TMEM229A: variants seen among roughly 807,000 people sequenced by gnomAD.
TMEM229A encodes the protein transmembrane protein 229A.
A neutral mutation model predicts 30.0 loss-of-function variants in TMEM229A; 23 were observed. The observed-to-expected ratio is 0.77, with a 90% CI of 0.55 to 1.09. The LOEUF is 1.09. Among genes scored for constraint, TMEM229A ranks in the 50% least tolerant of loss-of-function variants. The probability of loss-of-function intolerance (pLI) is 0.00; values close to 1 mark genes in which losing one functional copy is unlikely to be tolerated. For synonymous variants in TMEM229A, 264 were observed against 241.5 expected (o/e 1.09, Z -0.86); for missense variants, 534 against 525.9 (o/e 1.02, Z -0.15).
Position 124,031,512 on chromosome 7 carries a change from A to T in TMEM229A, c.*349T>A. ...CCCCGCCAAAAAAAAAAAAATTAGT[A>T]GCTGTCACTCATCTGTTGCCAGATG... On this transcript the variant is annotated 3_prime_UTR_variant, in exon 1 of 1. Transcript: ENST00000455783. The surrounding 1 kb of genome is among the most constrained non-coding windows in gnomAD (Gnocchi z 4.1). 5.9e-6 allele frequency: 1 copy of T among 169,680 alleles called. No homozygotes were observed. Among genetic ancestry groups the T allele is most frequent in the Middle Eastern group, 2.6e-3 (1 of 388 alleles). The allele number at this position is 169,680 out of a possible 1,614,324, so 10.5% of individuals were successfully genotyped here. A position where few individuals can be genotyped will look rare whatever the true frequency, so the allele number is the denominator to read the frequency against.
At position 124,032,561 on chromosome 7, in the gene TMEM229A, G is replaced by A. The variant is rs570827304; in HGVS notation, c.443C>T (p.Ala148Val). The A allele has an allele frequency of 5.2e-6, 8 of 1,549,278 alleles. No homozygotes were observed. In the East Asian group the frequency reaches 7.4e-5, roughly 14 times the overall value. The change falls in exon 1 of 1, where the codon GCG (alanine) becomes GTG (valine). Residue 148 changes from alanine to valine, a missense_variant. By Grantham distance (64) the Ala-to-Val change is moderately conservative. Transcript: ENST00000455783. The surrounding 1 kb of genome is among the most constrained non-coding windows in gnomAD (Gnocchi z 6.6). Reference sequence around the variant, plus strand: ...CGCCCCTGGCGCCACCGCGACCCCCGCCCCGCCGCCCAGGCTGAGTAGTAG... The same window carrying A: ...CGCCCCTGGCGCCACCGCGACCCCCACCCCGCCGCCCAGGCTGAGTAGTAG... ...QALLLSLGGG[A>V]GVAVAPGALD... is the part of the protein sequence containing the mutation.
Position 124,032,014 on chromosome 7 carries a change from C to A in TMEM229A, c.990G>T (p.Thr330=), listed in dbSNP as rs1473355167. The part of the protein sequence containing the change: ...WELSWGLGLR[T]CGACSWDYSH... ...AATAGTCCCAGGAACAAGCCCCGCACGTGCGGAGTCCCAGACCCCAGGACA... is the reference window on the plus strand; with the variant it reads ...AATAGTCCCAGGAACAAGCCCCGCAAGTGCGGAGTCCCAGACCCCAGGACA... Residue 330 remains threonine (T), a synonymous_variant, in exon 1 of 1, where the codon ACG becomes ACT. Transcript: ENST00000455783. The surrounding 1 kb of genome is among the most constrained non-coding windows in gnomAD (Gnocchi z 6.6). The A allele has an allele frequency of 2.6e-6, 4 of 1,551,654 alleles. No individual in the cohort carries two copies. In the South Asian group the frequency reaches 4.8e-5, roughly 18 times the overall value.
rs34152005 is a variant in TMEM229A at position 124,031,493 on chromosome 7, CA to C, written c.*367del. ...CTCTGATTTAAAGATCCCCCCCCGC[CA>C]AAAAAAAAAAAATTAGTAGCTGTCA... On this transcript the variant is annotated 3_prime_UTR_variant, in exon 1 of 1. Coordinates refer to ENST00000455783, the MANE Select transcript of TMEM229A (RefSeq NM_001136002.2). This position sits in a 1 kb window ranked among gnomAD's most constrained non-coding sequence, Gnocchi z 4.1. The C allele has an allele frequency of 0.2, 30,344 of 152,938 alleles. 3,674 individuals carry two copies. Among genetic ancestry groups the C allele is most frequent in the African/African-American group, 0.37 (15,118 of 40,434 alleles). 9.5% of individuals were successfully genotyped at this position (152,938 alleles called of 1,614,324 possible). A position where few individuals can be genotyped will look rare whatever the true frequency, so the allele number is the denominator to read the frequency against.
rs1016516242 is a variant in TMEM229A at position 124,033,054 on chromosome 7, G to A, written c.-51C>T. 5.1e-6 allele frequency: 6 copies of A among 1,178,848 alleles called. No individual in the cohort carries two copies. In the African/African-American group the frequency reaches 8.0e-5, roughly 16 times the overall value. The allele number at this position is 1,178,848 out of a possible 1,614,324, so 73.0% of individuals were successfully genotyped here. ...GAGGCTGCACCGCCGCCGCTGCCGGGTGCGCGGAGCTGCAGGGCCGAGCGG... is the reference window on the plus strand; with the variant it reads ...GAGGCTGCACCGCCGCCGCTGCCGGATGCGCGGAGCTGCAGGGCCGAGCGG... On this transcript the variant is annotated 5_prime_UTR_variant, in exon 1 of 1. Coordinates refer to ENST00000455783, the MANE Select transcript of TMEM229A (RefSeq NM_001136002.2).
In TMEM229A at chr7:124,032,924, G is replaced by A. The variant is rs781573948; in HGVS notation, c.80C>T (p.Pro27Leu). The change falls in exon 1 of 1, where the codon CCA (proline) becomes CTA (leucine). Residue 27 changes from proline to leucine, a missense_variant. By Grantham distance (98) the Pro-to-Leu change is moderately conservative. Transcript: ENST00000455783. This position sits in a 1 kb window ranked among gnomAD's most constrained non-coding sequence, Gnocchi z 6.6. ...AARRPGAPGG[P>L]GSEAAAGCPE... ...GCAGCCGGCTGCCGCCTCGCTTCCT[G>A]GCCCGCCAGGGGCCCCCGGACGCCG... The A allele has an allele frequency of 1.0e-5, 14 of 1,373,042 alleles. No homozygotes were observed. In the South Asian group the frequency reaches 2.5e-4, roughly 25 times the overall value. 85.1% of individuals were successfully genotyped at this position (1,373,042 alleles called of 1,614,324 possible).
Position 124,032,134 on chromosome 7 carries a change from C to A in TMEM229A, c.870G>T (p.Val290=). Reference sequence around the variant, plus strand: ...GGAGGTGGAAGTAGAGCTTTTCCACCACGAAACTGCAGCTGCCGTACATAA... The same window carrying A: ...GGAGGTGGAAGTAGAGCTTTTCCACAACGAAACTGCAGCTGCCGTACATAA... The part of the protein sequence containing the change: ...SFFMYGSCSF[V]VEKLYFHLHY... The change falls in exon 1 of 1, where the codon GTG becomes GTT. Residue 290 remains valine (V), a synonymous_variant. Transcript: ENST00000455783. This position sits in a 1 kb window ranked among gnomAD's most constrained non-coding sequence, Gnocchi z 6.6. 6.4e-7 allele frequency: 1 copy of A among 1,551,734 alleles called. No individual in the cohort carries two copies. The highest frequency in any genetic ancestry group is 8.7e-7 in the Non-Finnish European group (1 of 1,147,018).
In TMEM229A at chr7:124,033,000, C is replaced by T; in HGVS notation, c.4G>A (p.Ala2Thr). ...CCCTCGCTGTCCACGTCGCTCCCCGCCATGGGCTCGGAGGCTGTCCGAACG... is the reference window on the plus strand; with the variant it reads ...CCCTCGCTGTCCACGTCGCTCCCCGTCATGGGCTCGGAGGCTGTCCGAACG... M[A>T]GSDVDSEGPA... is the part of the protein sequence containing the mutation. Residue 2 changes from alanine to threonine, a missense_variant, in exon 1 of 1, where the codon GCG becomes ACG. Ala to Thr is a moderately conservative substitution (Grantham distance 58). Transcript: ENST00000455783. The surrounding 1 kb of genome is among the most constrained non-coding windows in gnomAD (Gnocchi z 6.6). 1 of 1,269,562 alleles carries T rather than the reference C, an allele frequency of 7.9e-7. No individual in the cohort carries two copies. The highest frequency in any genetic ancestry group is 9.9e-7 in the Non-Finnish European group (1 of 1,012,794). The allele number at this position is 1,269,562 out of a possible 1,614,324, so 78.6% of individuals were successfully genotyped here. A position where few individuals can be genotyped will look rare whatever the true frequency, so the allele number is the denominator to read the frequency against.
Position 124,032,616 on chromosome 7 carries a change from C to G in TMEM229A, c.388G>C (p.Val130Leu), listed in dbSNP as rs1793152364. The G allele has an allele frequency of 1.9e-6, 3 of 1,551,068 alleles. No homozygotes were observed. Among genetic ancestry groups the G allele is most frequent in the Non-Finnish European group, 2.6e-6 (3 of 1,146,668 alleles). Residue 130 changes from valine to leucine, a missense_variant, in exon 1 of 1, where the codon GTG becomes CTG. Val to Leu is a conservative substitution (Grantham distance 32). Transcript: ENST00000455783. This position sits in a 1 kb window ranked among gnomAD's most constrained non-coding sequence, Gnocchi z 6.6. ...TGGCCCGCTAGGGTCTGCAGCCCCA[C>G]GTGGGCCGAGGGGTAGAGGAGGAAA... Reference protein sequence around the residue: ...FNFLLYPSAHVGLQTLAGQAL... With the variant: ...FNFLLYPSAHLGLQTLAGQAL...
In TMEM229A at chr7:124,032,422, C is replaced by G. The variant is rs1185558888; in HGVS notation, c.582G>C (p.Gln194His). Residue 194 changes from glutamine (Q) to histidine (H), a missense_variant, in exon 1 of 1, where the codon CAG becomes CAC. By Grantham distance (24) the Gln-to-His change is conservative. Transcript: ENST00000455783. The surrounding 1 kb of genome is among the most constrained non-coding windows in gnomAD (Gnocchi z 6.6). ...RQRRRQQQQQQQQQQQQRRGA... is the reference protein window; with the variant it reads ...RQRRRQQQQQHQQQQQQRRGA... ...CCCTCCGCTGCTGCTGCTGCTGCTG[C>G]TGCTGCTGTTGCTGCTGCCGCCGCC... 5.2e-6 allele frequency: 8 copies of G among 1,545,424 alleles called. No homozygotes were observed. In the South Asian group the frequency reaches 9.5e-5, roughly 18 times the overall value.
chr7:124,031,802 A>G lies in TMEM229A; in HGVS notation c.*59T>C, dbSNP rs1793136072. ...CTTCATTTTAAATGTGTAAAAATAA[A>G]TCGCATCCATTCGTGGGAATCCAGT... On this transcript the variant is annotated 3_prime_UTR_variant, in exon 1 of 1. Coordinates refer to ENST00000455783, the MANE Select transcript of TMEM229A (RefSeq NM_001136002.2). This position sits in a 1 kb window ranked among gnomAD's most constrained non-coding sequence, Gnocchi z 4.1. 1 of 1,432,354 alleles carries G rather than the reference A, an allele frequency of 7.0e-7. No individual in the cohort carries two copies. Among genetic ancestry groups the G allele is most frequent in the Non-Finnish European group, 9.2e-7 (1 of 1,085,940 alleles). The allele number at this position is 1,432,354 out of a possible 1,614,324, so 88.7% of individuals were successfully genotyped here.
Position 124,031,491 on chromosome 7 carries a change from GC to G in TMEM229A, c.*369del, listed in dbSNP as rs1793132289. On this transcript the variant is annotated 3_prime_UTR_variant, in exon 1 of 1. Coordinates refer to ENST00000455783, the MANE Select transcript of TMEM229A (RefSeq NM_001136002.2). The surrounding 1 kb of genome is among the most constrained non-coding windows in gnomAD (Gnocchi z 4.1). ...GTCTCTGATTTAAAGATCCCCCCCCGCCAAAAAAAAAAAAATTAGTAGCTGT... is the reference window on the plus strand; with the variant it reads ...GTCTCTGATTTAAAGATCCCCCCCCGCAAAAAAAAAAAAATTAGTAGCTGT... 1.6e-5 allele frequency: 2 copies of G among 122,248 alleles called. No individual in the cohort carries two copies. The highest frequency in any genetic ancestry group is 5.5e-4 in the South Asian group (2 of 3,642). 7.6% of individuals were successfully genotyped at this position (122,248 alleles called of 1,614,324 possible). A position where few individuals can be genotyped will look rare whatever the true frequency, so the allele number is the denominator to read the frequency against.
chr7:124,032,892 G>T lies in TMEM229A; in HGVS notation c.112C>A (p.Pro38Thr). 6.8e-7 allele frequency: 1 copy of T among 1,469,522 alleles called. No individual in the cohort carries two copies. Among genetic ancestry groups the T allele is most frequent in the Non-Finnish European group, 9.0e-7 (1 of 1,107,968 alleles). 91.0% of individuals were successfully genotyped at this position (1,469,522 alleles called of 1,614,324 possible). A position where few individuals can be genotyped will look rare whatever the true frequency, so the allele number is the denominator to read the frequency against. Residue 38 changes from proline (P) to threonine (T), a missense_variant, in exon 1 of 1, where the codon CCG becomes ACG. Physicochemically the swap from Pro to Thr is conservative, Grantham distance 38. Coordinates refer to ENST00000455783, the MANE Select transcript of TMEM229A (RefSeq NM_001136002.2). The surrounding 1 kb of genome is among the most constrained non-coding windows in gnomAD (Gnocchi z 6.6). ...GSEAAAGCPEPLSTAEAPAES... is the reference protein window; with the variant it reads ...GSEAAAGCPETLSTAEAPAES... ...GCCGGCGCTTCAGCAGTGGACAGCG[G>T]CTCCGGGCAGCCGGCTGCCGCCTCG...
chr7:124,032,730 A>G lies in TMEM229A; in HGVS notation c.274T>C (p.Tyr92His), dbSNP rs569832948. Residue 92 changes from tyrosine (Y) to histidine (H), a missense_variant, in exon 1 of 1, where the codon TAC becomes CAC. By Grantham distance (83) the Tyr-to-His change is moderately conservative. Coordinates refer to ENST00000455783, the MANE Select transcript of TMEM229A (RefSeq NM_001136002.2). The surrounding 1 kb of genome is among the most constrained non-coding windows in gnomAD (Gnocchi z 6.6). ...DLRMLGFSSPYRCLLHSLTHF... is the reference protein window; with the variant it reads ...DLRMLGFSSPHRCLLHSLTHF... ...GTGAGCGAGTGCAGCAGGCAGCGGT[A>G]GGGCGAGGAGAAGCCTAGCATCCGC... The G allele has an allele frequency of 2.6e-6, 4 of 1,551,392 alleles. No homozygotes were observed. The East Asian group carries it at 9.8e-5, about 38-fold the overall frequency.
At position 124,032,600 on chromosome 7, in the gene TMEM229A, A is replaced by G; in HGVS notation, c.404T>C (p.Leu135Pro). 1.3e-6 allele frequency: 2 copies of G among 1,550,614 alleles called. No individual in the cohort carries two copies. Among genetic ancestry groups the G allele is most frequent in the Non-Finnish European group, 8.7e-7 (1 of 1,146,464 alleles). ...YPSAHVGLQT[L>P]AGQALLLSLG... Reference sequence around the variant, plus strand: ...GCTGAGTAGTAGCGCCTGGCCCGCTAGGGTCTGCAGCCCCACGTGGGCCGA... The same window carrying G: ...GCTGAGTAGTAGCGCCTGGCCCGCTGGGGTCTGCAGCCCCACGTGGGCCGA... The change falls in exon 1 of 1, where the codon CTA becomes CCA. Residue 135 changes from leucine to proline, a missense_variant. By Grantham distance (98) the Leu-to-Pro change is moderately conservative. Coordinates refer to ENST00000455783, the MANE Select transcript of TMEM229A (RefSeq NM_001136002.2). The surrounding 1 kb of genome is among the most constrained non-coding windows in gnomAD (Gnocchi z 6.6).
rs1222020842 is a variant in TMEM229A, at chr7:124,032,357, G to C, written c.647C>G (p.Ala216Gly). The C allele has an allele frequency of 6.5e-7, 1 of 1,541,788 alleles. No homozygotes were observed. Among genetic ancestry groups the C allele is most frequent in the East Asian group, 2.5e-5 (1 of 40,540 alleles). The change falls in exon 1 of 1, where the codon GCG (alanine) becomes GGG (glycine). Residue 216 changes from alanine (A) to glycine (G), a missense_variant. Coordinates refer to ENST00000455783, the MANE Select transcript of TMEM229A (RefSeq NM_001136002.2). This position sits in a 1 kb window ranked among gnomAD's most constrained non-coding sequence, Gnocchi z 6.6. ...PVPPGARVPT[A>G]AGARRRRPRG... Reference sequence around the variant, plus strand: ...GGGTCGTCGCCGCCGGGCTCCGGCCGCAGTAGGGACCCGGGCGCCGGGAGG... The same window carrying C: ...GGGTCGTCGCCGCCGGGCTCCGGCCCCAGTAGGGACCCGGGCGCCGGGAGG...
rs1563050260 is a variant in TMEM229A at position 124,032,682 on chromosome 7, A to G, written c.322T>C (p.Tyr108His). 1 of 1,551,422 alleles carries G rather than the reference A, an allele frequency of 6.4e-7. No homozygotes were observed. Among genetic ancestry groups the G allele is most frequent in the Non-Finnish European group, 8.7e-7 (1 of 1,146,858 alleles). The change falls in exon 1 of 1, where the codon TAC (tyrosine) becomes CAC (histidine). Residue 108 changes from tyrosine to histidine, a missense_variant. By Grantham distance (83) the Tyr-to-His change is moderately conservative (BLOSUM62 2). Transcript: ENST00000455783. The surrounding 1 kb of genome is among the most constrained non-coding windows in gnomAD (Gnocchi z 6.6). ...TTGGGACAGCGCCGCTGCTGCAGGTACACCTTCTCCAGGGCGAAATGGGTG... is the reference window on the plus strand; with the variant it reads ...TTGGGACAGCGCCGCTGCTGCAGGTGCACCTTCTCCAGGGCGAAATGGGTG... ...SLTHFALEKV[Y>H]LQQRRCPNAF...
In TMEM229A at chr7:124,032,304, G is replaced by A. The variant is rs1793144485; in HGVS notation, c.700C>T (p.Pro234Ser). ...GGTAGGTCGGGCAGCCCCTGGCTGGGGGCTCCCCCGGCGCCCCTGGGGCCA... is the reference window on the plus strand; with the variant it reads ...GGTAGGTCGGGCAGCCCCTGGCTGGAGGCTCCCCCGGCGCCCCTGGGGCCA... ...PRGPRGAGGA[P>S]SQGLPDLPRF... The change falls in exon 1 of 1, where the codon CCC becomes TCC. Residue 234 changes from proline to serine, a missense_variant. Physicochemically the swap from Pro to Ser is moderately conservative, Grantham distance 74. Coordinates refer to ENST00000455783, the MANE Select transcript of TMEM229A (RefSeq NM_001136002.2). The surrounding 1 kb of genome is among the most constrained non-coding windows in gnomAD (Gnocchi z 6.6). 3 of 1,550,128 alleles carry A rather than the reference G, an allele frequency of 1.9e-6. No individual in the cohort carries two copies. Among genetic ancestry groups the A allele is most frequent in the South Asian group, 1.2e-5 (1 of 84,008 alleles).
At position 124,032,011 on chromosome 7, in the gene TMEM229A, G is replaced by A. The variant is rs1324877836; in HGVS notation, c.993C>T (p.Cys331=). 1.3e-6 allele frequency: 2 copies of A among 1,551,610 alleles called. No individual in the cohort carries two copies. The highest frequency in any genetic ancestry group is 2.7e-5 in the African/African-American group (2 of 73,128). Residue 331 remains cysteine, a synonymous_variant, in exon 1 of 1, where the codon TGC becomes TGT. Transcript: ENST00000455783. The surrounding 1 kb of genome is among the most constrained non-coding windows in gnomAD (Gnocchi z 6.6). Reference sequence around the variant, plus strand: ...GAGAATAGTCCCAGGAACAAGCCCCGCACGTGCGGAGTCCCAGACCCCAGG... The same window carrying A: ...GAGAATAGTCCCAGGAACAAGCCCCACACGTGCGGAGTCCCAGACCCCAGG... The part of the protein sequence containing the change: ...ELSWGLGLRT[C]GACSWDYSHY...
Position 124,032,870 on chromosome 7 carries a change from G to A in TMEM229A, c.134C>T (p.Pro45Leu), listed in dbSNP as rs1389770520. ...GGCGGGCAGCGTGGCGCTCTCAGCC[G>A]GCGCTTCAGCAGTGGACAGCGGCTC... ...CPEPLSTAEAPAESATLPAWM... is the reference protein window; with the variant it reads ...CPEPLSTAEALAESATLPAWM... The change falls in exon 1 of 1, where the codon CCG (proline) becomes CTG (leucine). Residue 45 changes from proline to leucine, a missense_variant. Physicochemically the swap from Pro to Leu is moderately conservative, Grantham distance 98. Transcript: ENST00000455783. The surrounding 1 kb of genome is among the most constrained non-coding windows in gnomAD (Gnocchi z 6.6). The A allele has an allele frequency of 5.1e-5, 79 of 1,541,802 alleles. No homozygotes were observed. In the East Asian group the frequency reaches 1.9e-3, roughly 37 times the overall value.
Sources: allele counts gnomAD v4.1 joint callset, GRCh38; gene constraint gnomAD v4.1.1; non-coding constraint Gnocchi (gnomAD v3.1); transcripts MANE v1.5; gene names NCBI Gene and HGNC (gene_info 2026-07-23, HGNC 2026-07-21).